UBR2: variants seen among roughly 807,000 people sequenced by gnomAD.
UBR2 encodes E3 ubiquitin-protein ligase UBR2.
In UBR2, 92 loss-of-function variants were observed where a neutral mutation model predicts 247.9. That is an observed-to-expected ratio of 0.37 (90% CI 0.31 to 0.44). UBR2 has a LOEUF of 0.44. Among genes scored for constraint, UBR2 ranks in the 20% least tolerant of loss-of-function variants. The pLI, the probability that UBR2 is intolerant of heterozygous loss-of-function variation, is 1.00. For synonymous variants in UBR2, 672 were observed against 693.5 expected (o/e 0.97, Z 0.49); for missense variants, 1,613 against 2,112.6 (o/e 0.76, Z 4.64).
intron 34 of UBR2, among the ~76,000 whole-genome samples, chr6:42,668,740 C>T (rs1014035990): frequency 2.0e-5 from 3 of 151,644 alleles, no homozygotes; most frequent in Non-Finnish European, 4.4e-5. Flanking sequence ...CTGCACTCAG[C>T]CTCATTTTTT....
chr6:42,577,788 T>C (rs1791619164), intron 2 of UBR2, among the ~76,000 whole-genome samples: 1 of 152,160 alleles, frequency 6.6e-6, no homozygotes, highest in Non-Finnish European at 1.5e-5. Context: ...ATGAATGTTA[T>C]ACTTAACCAG....
intron 4 of UBR2, among the ~76,000 whole-genome samples, chr6:42,601,875 C>CTT (rs534921007): frequency 3.3e-5 from 4 of 120,076 alleles, no homozygotes; most frequent in Admixed American, 8.5e-5. Context: ...TTTTTTTTTT[C>CTT]TTTTTTTTTT....
intron 11 of UBR2, 59 bp downstream of exon 11, chr6:42,617,566 AAT>A: frequency 2.1e-6 from 3 of 1,444,320 alleles, no homozygotes; most frequent in Non-Finnish European, 2.8e-6. Flanking sequence ...GCCTTAAAAT[AAT>A]AGAGAACTAA....
chr6:42,629,292 C>T (rs1795548087), intron 11 of UBR2, among the ~76,000 whole-genome samples: 1 of 149,592 alleles, frequency 6.7e-6, no homozygotes. Flanking sequence ...GCTCAGATTA[C>T]AGGCGTGAGC....
intron 30 of UBR2, among the ~76,000 whole-genome samples, chr6:42,660,344 C>T (rs958357754): frequency 1.3e-5 from 2 of 152,042 alleles, no homozygotes; most frequent in African/African-American, 2.4e-5. Context: ...TACAGATTAC[C>T]GTGCAGGACA....
intron 7 of UBR2, among the ~76,000 whole-genome samples, chr6:42,607,710 C>CTTTTTT (rs1562303790): frequency 5.7e-5 from 3 of 52,886 alleles, no homozygotes; most frequent in Non-Finnish European, 7.0e-5. Context: ...CCACTCCCAG[C>CTTTTTT]TGTTTTTTTT....
intron 22 of UBR2, among the ~76,000 whole-genome samples, chr6:42,648,940 G>C (rs1028462): frequency 0.22 from 34,029 of 151,892 alleles, 3,864 homozygotes; most frequent in Middle Eastern, 0.26. Flanking sequence ...TGTGTCTTTG[G>C]GGGGGCGGGT....
intron 1 of UBR2, among the ~76,000 whole-genome samples, chr6:42,568,382 C>T (rs1165564971): frequency 1.3e-5 from 2 of 152,080 alleles, no homozygotes; most frequent in African/African-American, 2.4e-5. Context: ...AAATGGAATT[C>T]AACATATTGT....
At chr6:42,682,103 A>G (rs919999279) in intron 42 of UBR2, among the ~76,000 whole-genome samples, 1 of 152,204 alleles carries the variant, frequency 6.6e-6, no homozygotes, top group Non-Finnish European at 1.5e-5. Context: ...ATTCTCACAC[A>G]TGCTACAACG....
chr6:42,658,198 G>A (rs768095642), intron 27 of UBR2, 42 bp from the exon 28 acceptor site: 3 of 1,609,420 alleles, frequency 1.9e-6, no homozygotes, highest in South Asian at 1.1e-5. Context: ...TGTACATTGT[G>A]ATCATATTTC....
rs1174285690 is a variant in UBR2 at position 42,646,818 on chromosome 6, TATAGAGAG to T, written c.2409+1230_2409+1237del. Among the ~76,000 whole-genome samples the T allele has an allele frequency of 2.1e-3, 314 of 148,888 alleles. 1 individual carries two copies. The highest frequency in any genetic ancestry group is 7.6e-3 in the African/African-American group (306 of 40,036). The stretch of plus-strand genomic sequence containing the variant: ...TTATATATATATGTTTATATATATA[TATAGAGAG>T]AGAGAGAGAGAGAGAGATAGAGTCT... On this transcript the variant is annotated intron_variant, in intron 21 of 46. Coordinates refer to ENST00000372901, the MANE Select transcript of UBR2 (RefSeq NM_001363705.2).
At chr6:42,658,578 A>T in intron 28 of UBR2, 68 bp from the exon 29 acceptor site, 1 of 1,451,350 alleles carries the variant, frequency 6.9e-7, no homozygotes, top group Non-Finnish European at 9.2e-7. Context: ...CAGTGAAGAT[A>T]TTTCTGCTTT....
intron 34 of UBR2, among the ~76,000 whole-genome samples, chr6:42,666,740 C>T (rs772514665): frequency 8.5e-5 from 13 of 152,100 alleles, no homozygotes; most frequent in African/African-American, 4.8e-5. Flanking sequence ...CTATTAATGA[C>T]CTAACCAAGC....
At chr6:42,644,140 C>A in intron 18 of UBR2, 74 bp from the exon 19 acceptor site, 1 of 1,466,778 alleles carries the variant, frequency 6.8e-7, no homozygotes, top group Non-Finnish European at 9.1e-7. Flanking sequence ...AACTATCTCT[C>A]ACTAATTGTT....
At chr6:42,583,169 A>G (rs1278306232) in intron 2 of UBR2, among the ~76,000 whole-genome samples, 1 of 152,028 alleles carries the variant, frequency 6.6e-6, no homozygotes, top group Non-Finnish European at 1.5e-5. Flanking sequence ...ACTTTTTTTC[A>G]TGATTATTGT....
At chr6:42,567,176 C>T (rs1370388035) in intron 1 of UBR2, among the ~76,000 whole-genome samples, 1 of 151,796 alleles carries the variant, frequency 6.6e-6, no homozygotes, top group South Asian at 2.1e-4. Context: ...ATTTACACAC[C>T]GCTTTTCTTA....
chr6:42,675,143 G>A (rs1798648437), intron 38 of UBR2, among the ~76,000 whole-genome samples: 1 of 152,110 alleles, frequency 6.6e-6, no homozygotes, highest in South Asian at 2.1e-4. Flanking sequence ...CACACTTAGA[G>A]CAATATATTC....
At chr6:42,690,220 A>G (rs1799676793) in intron 46 of UBR2, among the ~76,000 whole-genome samples, 1 of 152,236 alleles carries the variant, frequency 6.6e-6, no homozygotes, top group Admixed American at 6.5e-5. Flanking sequence ...TAAAGGAGGT[A>G]TAAGTTTTAA....
At chr6:42,679,903 T>C in intron 42 of UBR2, 71 bp downstream of exon 42, 1 of 1,064,040 alleles carries the variant, frequency 9.4e-7, no homozygotes, top group Non-Finnish European at 1.4e-6. Flanking sequence ...ATCACATATG[T>C]AGCAAAATTC....
Sources: allele counts gnomAD v4.1 joint callset (sites outside exome capture counted in the v4.1 genomes callset), GRCh38; gene constraint gnomAD v4.1.1; transcripts MANE v1.5; gene names NCBI Gene and HGNC (gene_info 2026-07-23, HGNC 2026-07-21).